The following MALRD1 variants were observed in gnomAD, a reference collection of about 807,000 sequenced individuals.
The protein encoded by MALRD1 is MAM and LDL-receptor class A domain-containing protein 1.
A neutral mutation model predicts 242.1 loss-of-function variants in MALRD1; 247 were observed. That is an observed-to-expected ratio of 1.02 (90% confidence interval 0.92 to 1.13). MALRD1 has a LOEUF of 1.13. MALRD1 is among the 50% of genes most tolerant of loss of function. The probability of loss-of-function intolerance (pLI) is 0.00; values close to 1 mark genes in which losing one functional copy is unlikely to be tolerated. For synonymous variants in MALRD1, 995 were observed against 866.6 expected (o/e 1.15, Z -2.60); for missense variants, 2,989 against 2,533.1 (o/e 1.18, Z -3.86).
intron 36 of MALRD1, among the ~76,000 whole-genome samples, chr10:19,626,646 G>A (rs955447663): frequency 6.6e-6 from 1 of 151,348 alleles, no homozygotes; most frequent in Non-Finnish European, 1.5e-5. Flanking sequence ...GGCCTATACT[G>A]AATAGTACAT....
chr10:19,660,897 C>T (rs1841397086), intron 36 of MALRD1, among the ~76,000 whole-genome samples: 1 of 152,154 alleles, frequency 6.6e-6, no homozygotes, highest in African/African-American at 2.4e-5. Flanking sequence ...GTAGATACTT[C>T]AGTTACTTCA....
intron 26 of MALRD1, among the ~76,000 whole-genome samples, chr10:19,386,804 A>C (rs1053578046): frequency 2.6e-5 from 4 of 152,006 alleles, no homozygotes; most frequent in African/African-American, 9.7e-5. Context: ...TTTTGAGCTA[A>C]GGAAACTAAA....
chr10:19,232,139 A>T (rs887806194), intron 18 of MALRD1, among the ~76,000 whole-genome samples: 3 of 151,676 alleles, frequency 2.0e-5, no homozygotes, highest in African/African-American at 7.3e-5. Context: ...ATAAAAATTA[A>T]AAAAAATGAG....
intron 38 of MALRD1, among the ~76,000 whole-genome samples, chr10:19,693,138 G>A (rs184283840): frequency 0.02 from 2,987 of 151,778 alleles, 109 homozygotes; most frequent in African/African-American, 0.069. Context: ...GGCAAAAGCT[G>A]GAAGCATTCC....
chr10:19,667,926 A>G (rs889109607), intron 36 of MALRD1, among the ~76,000 whole-genome samples: 1 of 152,100 alleles, frequency 6.6e-6, no homozygotes, highest in Non-Finnish European at 1.5e-5. Context: ...TGGCAGATTC[A>G]GTGTCTGTTG....
At chr10:19,219,359 C>G (rs1837463270) in intron 18 of MALRD1, among the ~76,000 whole-genome samples, 1 of 152,156 alleles carries the variant, frequency 6.6e-6, no homozygotes, top group Non-Finnish European at 1.5e-5. Context: ...CTTAAATCCT[C>G]TAGAATACTG....
At chr10:19,682,240 A>G (rs145478102) in intron 36 of MALRD1, among the ~76,000 whole-genome samples, 2 of 152,286 alleles carry the variant, frequency 1.3e-5, no homozygotes, top group African/African-American at 4.8e-5. Context: ...TTCTCTGACA[A>G]TGAGACAAAT....
intron 14 of MALRD1, among the ~76,000 whole-genome samples, chr10:19,194,610 G>A (rs1836149031): frequency 6.6e-6 from 1 of 152,040 alleles, no homozygotes; most frequent in Non-Finnish European, 1.5e-5. Flanking sequence ...TGTCTCTCCA[G>A]CAAAGCCCAC....
At chr10:19,730,602 C>T (rs934535795) in intron 38 of MALRD1, 104 bp from the exon 39 acceptor site, 1 of 1,121,088 alleles carries the variant, frequency 8.9e-7, no homozygotes. Context: ...AGTGTGCTGG[C>T]TAGACAACAT....
intron 14 of MALRD1, among the ~76,000 whole-genome samples, chr10:19,176,833 C>T (rs1350992317): frequency 6.8e-6 from 1 of 148,062 alleles, no homozygotes; most frequent in Non-Finnish European, 1.5e-5. Flanking sequence ...TGTGTGTGTG[C>T]ATGCCTGTGT....
chr10:19,652,871 CA>C (rs1181748991), intron 36 of MALRD1, among the ~76,000 whole-genome samples: 1 of 152,174 alleles, frequency 6.6e-6, no homozygotes, highest in African/African-American at 2.4e-5. Context: ...GACAGTCTGA[CA>C]AAAAGCTTTG....
chr10:19,449,800 G>A (rs890799901), intron 28 of MALRD1, among the ~76,000 whole-genome samples: 1 of 152,114 alleles, frequency 6.6e-6, no homozygotes, highest in African/African-American at 2.4e-5. Context: ...GAGTTTGCCT[G>A]TATAGCAAAC....
In MALRD1 at chr10:19,205,131, C is replaced by A. The variant is rs1428686931; in HGVS notation, c.2444C>A (p.Thr815Asn). The change falls in exon 17 of 40, where the codon ACT (threonine) becomes AAT (asparagine). Residue 815 changes from threonine (T) to asparagine (N), a missense_variant. Physicochemically the swap from Thr to Asn is moderately conservative, Grantham distance 65. Coordinates refer to ENST00000454679, the MANE Select transcript of MALRD1 (RefSeq NM_001142308.3). ...AIDDIRFENCTLPLPAESCEG... is the reference protein window; with the variant it reads ...AIDDIRFENCNLPLPAESCEG... ...GATGACATCCGATTTGAAAATTGTA[C>A]TCTCCCTCTTCCTGCTGAGAGCTGT... The A allele has an allele frequency of 2.1e-5, 32 of 1,550,630 alleles. No homozygotes were observed. The highest frequency in any genetic ancestry group is 7.8e-5 in the Admixed American group (4 of 50,964).
intron 26 of MALRD1, among the ~76,000 whole-genome samples, chr10:19,374,975 C>T (rs149308666): frequency 4.6e-5 from 7 of 152,238 alleles, no homozygotes; most frequent in Admixed American, 2.0e-4. Context: ...GTCCCTACCA[C>T]GTGCAATGAT....
intron 18 of MALRD1, among the ~76,000 whole-genome samples, chr10:19,210,681 G>A (rs1029620363): frequency 1.5e-5 from 2 of 134,368 alleles, no homozygotes; most frequent in Admixed American, 1.6e-4. Flanking sequence ...CAAAAACTTA[G>A]CTCCAGGCCA....
At chr10:19,349,869 CTAAGA>C (rs1487148932) in intron 25 of MALRD1, among the ~76,000 whole-genome samples, 1 of 152,062 alleles carries the variant, frequency 6.6e-6, no homozygotes, top group Non-Finnish European at 1.5e-5. Flanking sequence ...ACTGTAGTAA[CTAAGA>C]TTTCATCCAT....
chr10:19,507,394 T>A (rs1564399589), intron 31 of MALRD1, among the ~76,000 whole-genome samples: 1 of 152,062 alleles, frequency 6.6e-6, no homozygotes, highest in African/African-American at 2.4e-5. Flanking sequence ...TCCCACAAAG[T>A]ATGAACGTGA....
chr10:19,495,294 C>G (rs1266052555), intron 30 of MALRD1, among the ~76,000 whole-genome samples: 2 of 151,824 alleles, frequency 1.3e-5, no homozygotes, highest in Non-Finnish European at 2.9e-5. Flanking sequence ...TCACATTTCC[C>G]AAGGTCAAAA....
intron 35 of MALRD1, among the ~76,000 whole-genome samples, chr10:19,614,068 G>A (rs941338144): frequency 6.6e-6 from 1 of 151,888 alleles, no homozygotes; most frequent in African/African-American, 2.4e-5. Context: ...AGTAGGAGCA[G>A]GAACCATGGC....
Sources: allele counts gnomAD v4.1 joint callset (sites outside exome capture counted in the v4.1 genomes callset), GRCh38; gene constraint gnomAD v4.1.1; transcripts MANE v1.5; gene names NCBI Gene and HGNC (gene_info 2026-07-23, HGNC 2026-07-21).